DNAH11: variants seen among roughly 807,000 people sequenced by gnomAD.
The protein encoded by DNAH11 is dynein axonemal heavy chain 11.
Under a neutral mutation model 526.0 loss-of-function variants are expected in DNAH11, and 442 were observed. The observed-to-expected ratio is 0.84, with a 90% confidence interval of 0.78 to 0.91. The LOEUF (loss-of-function observed/expected upper bound fraction) is 0.91, where lower values mean the gene tolerates loss of function less well. Ranked by LOEUF, DNAH11 falls within the 40% of genes least tolerant of loss-of-function variation. DNAH11 has a pLI of 0.00. For synonymous variants in DNAH11, 2,461 were observed against 1,935.9 expected (o/e 1.27, Z -7.12); for missense variants, 6,989 against 5,448.7 (o/e 1.28, Z -8.90).
At chr7:21,792,658 T>C (rs1255391402) in intron 61 of DNAH11, among the ~76,000 whole-genome samples, 1 of 152,184 alleles carries the variant, frequency 6.6e-6, no homozygotes. Flanking sequence ...TCATTTCTTA[T>C]AGGTTTTCCA....
At chr7:21,884,763 C>T (rs1055793461) in intron 76 of DNAH11, among the ~76,000 whole-genome samples, 1 of 152,136 alleles carries the variant, frequency 6.6e-6, no homozygotes, top group African/African-American at 2.4e-5. Flanking sequence ...TGGGGATTTG[C>T]CCCAGGCCAC....
At chr7:21,636,632 G>T (rs1583551491) in intron 26 of DNAH11, among the ~76,000 whole-genome samples, 1 of 152,088 alleles carries the variant, frequency 6.6e-6, no homozygotes. Context: ...TAGCTACTTG[G>T]GAGGCTGAGG....
chr7:21,651,332 G>T (rs1219918084), intron 28 of DNAH11, among the ~76,000 whole-genome samples: 2 of 151,942 alleles, frequency 1.3e-5, no homozygotes, highest in Non-Finnish European at 2.9e-5. Context: ...GTAAGCTGCC[G>T]TAATTTCATC....
chr7:21,579,408 G>T (rs1291104456), intron 8 of DNAH11, among the ~76,000 whole-genome samples: 1 of 152,178 alleles, frequency 6.6e-6, no homozygotes, highest in African/African-American at 2.4e-5. Context: ...ATGTAGACAG[G>T]CAGTTATCAT....
intron 79 of DNAH11, 130 bp downstream of exon 79, chr7:21,895,129 A>C (rs1784464613): frequency 1.4e-6 from 1 of 731,472 alleles, no homozygotes; most frequent in Non-Finnish European, 2.2e-6. Context: ...ACCGTAAAAA[A>C]TTCTTCCACC....
At chr7:21,829,688 A>G (rs770679349) in intron 65 of DNAH11, among the ~76,000 whole-genome samples, 3 of 152,366 alleles carry the variant, frequency 2.0e-5, no homozygotes, top group South Asian at 4.1e-4. Context: ...AACAGTAACT[A>G]TACTAAATCT....
At chr7:21,758,866 T>C (rs1187436235) in intron 54 of DNAH11, among the ~76,000 whole-genome samples, 2 of 152,210 alleles carry the variant, frequency 1.3e-5, no homozygotes, top group Non-Finnish European at 2.9e-5. Context: ...TGAGGCCTGT[T>C]CTTGCAATGG....
intron 61 of DNAH11, among the ~76,000 whole-genome samples, chr7:21,794,119 TCTTAAA>T (rs1357405080): frequency 6.6e-5 from 10 of 152,246 alleles, no homozygotes; most frequent in African/African-American, 2.4e-4. Context: ...TATTTCAATC[TCTTAAA>T]CTTCTGATAA....
chr7:21,809,405 G>A (rs762332434), intron 63 of DNAH11, among the ~76,000 whole-genome samples: 35 of 152,154 alleles, frequency 2.3e-4, no homozygotes, highest in Non-Finnish European at 4.4e-4. Flanking sequence ...TCCCACTTTT[G>A]CATTTGTTTG....
In DNAH11 at chr7:21,589,141, A is replaced by G. The variant is rs540676130; in HGVS notation, c.1974-67A>G. ...ATTATATTTTATATATTGTATTACT[A>G]TACAATTATTAAGCGGAAATCTATC... is the stretch of plus-strand genomic sequence containing the variant. On this transcript the variant is annotated intron_variant, in intron 11 of 81. Transcript: ENST00000409508. 1.7e-5 allele frequency: 21 copies of G among 1,234,380 alleles called. No homozygotes were observed. In the African/African-American group the frequency reaches 2.5e-4, roughly 15 times the overall value. 76.5% of individuals were successfully genotyped at this position (1,234,380 alleles called of 1,614,324 possible).
At position 21,861,854 on chromosome 7, in the gene DNAH11, C is replaced by CT; in HGVS notation, c.11208dup (p.Asn3737Ter). 1 of 1,610,452 alleles carries CT rather than the reference C, an allele frequency of 6.2e-7. No homozygotes were observed. Among genetic ancestry groups the CT allele is most frequent in the Non-Finnish European group, 8.5e-7 (1 of 1,178,532 alleles). ...TAATGGTCACATTAAATTTCCCAGGCTTTTAACGTGCTGTTCCACAGAGCG... is the reference window on the plus strand; with the variant it reads ...TAATGGTCACATTAAATTTCCCAGGCTTTTTAACGTGCTGTTCCACAGAGCG... On this transcript the variant is annotated frameshift_variant and splice_region_variant, in exon 69 of 82. Transcript: ENST00000409508. LOFTEE classifies it high-confidence loss of function.
intron 35 of DNAH11, among the ~76,000 whole-genome samples, chr7:21,693,429 C>T (rs558543799): frequency 2.6e-4 from 39 of 152,174 alleles, no homozygotes; most frequent in Non-Finnish European, 5.0e-4. Flanking sequence ...TTGTTCTACA[C>T]TGTCCTTGTA....
chr7:21,681,291 G>T (rs1783125397), intron 30 of DNAH11, among the ~76,000 whole-genome samples: 1 of 152,042 alleles, frequency 6.6e-6, no homozygotes, highest in Admixed American at 6.6e-5. Context: ...GCTGGGCGTG[G>T]TGGTGGGCAC....
Position 21,892,437 on chromosome 7 carries a change from C to G in DNAH11, c.12520C>G (p.Leu4174Val). The G allele has an allele frequency of 6.2e-7, 1 of 1,610,338 alleles. No homozygotes were observed. Among genetic ancestry groups the G allele is most frequent in the Non-Finnish European group, 8.5e-7 (1 of 1,177,214 alleles). ...FMNPSLTEDE[L>V]MLAPGFAAPP... Reference sequence around the variant, plus strand: ...TTTGTGGTTCAAGACTGAAGATGAACTGATGCTGGCACCAGGTTTTGCTGC... The same window carrying G: ...TTTGTGGTTCAAGACTGAAGATGAAGTGATGCTGGCACCAGGTTTTGCTGC... Residue 4174 changes from leucine to valine, a missense_variant, in exon 77 of 82, where the codon CTG becomes GTG. Leu to Val is a conservative substitution (Grantham distance 32, BLOSUM62 1). Transcript: ENST00000409508.
At chr7:21,613,552 A>G (rs1363986064) in intron 20 of DNAH11, among the ~76,000 whole-genome samples, 2 of 152,212 alleles carry the variant, frequency 1.3e-5, no homozygotes, top group African/African-American at 2.4e-5. Context: ...TCTTCTTTAC[A>G]TAGTAGGAAA....
chr7:21,686,478 A>G (rs556260263), intron 32 of DNAH11, among the ~76,000 whole-genome samples: 21 of 152,344 alleles, frequency 1.4e-4, no homozygotes, highest in Non-Finnish European at 1.9e-4. Context: ...ATGATTTTCT[A>G]AGAACTTCTG....
At chr7:21,730,913 G>A (rs1202179279) in intron 45 of DNAH11, among the ~76,000 whole-genome samples, 3 of 152,282 alleles carry the variant, frequency 2.0e-5, no homozygotes, top group South Asian at 2.1e-4. Flanking sequence ...GGAGGCCAAG[G>A]CAGGTTGATC....
chr7:21,582,062 A>T (rs1217109983), intron 9 of DNAH11, 41 bp downstream of exon 9: 1 of 1,293,466 alleles, frequency 7.7e-7, no homozygotes, highest in Non-Finnish European at 1.1e-6. Flanking sequence ...GTTTACTATG[A>T]ATAATATAGG....
chr7:21,643,539 A>C (rs934503372), intron 28 of DNAH11, among the ~76,000 whole-genome samples: 4 of 152,230 alleles, frequency 2.6e-5, no homozygotes, highest in African/African-American at 9.6e-5. Flanking sequence ...TGTGATTCTT[A>C]TATGGCTACT....
Sources: allele counts gnomAD v4.1 joint callset (sites outside exome capture counted in the v4.1 genomes callset), GRCh38; gene constraint gnomAD v4.1.1; transcripts MANE v1.5; gene names NCBI Gene and HGNC (gene_info 2026-07-23, HGNC 2026-07-21).